Variants in ENAH observed in about 807,000 individuals in gnomAD.
ENAH encodes protein enabled homolog.
In ENAH, 23 loss-of-function variants were observed where a neutral mutation model predicts 78.7. The ratio of observed to expected loss-of-function variants is 0.29; its 90% CI spans 0.21 to 0.41. The LOEUF is 0.41. Ranked by LOEUF, ENAH falls within the 10% of genes least tolerant of loss-of-function variation. The pLI, the probability that ENAH is intolerant of heterozygous loss-of-function variation, is 1.00. For synonymous variants in ENAH, 226 were observed against 241.0 expected (o/e 0.94, Z 0.58); for missense variants, 544 against 691.0 (o/e 0.79, Z 2.39).
intron 1 of ENAH, among the ~76,000 whole-genome samples, chr1:225,599,183 T>C (rs144653957): frequency 2.5e-4 from 38 of 152,110 alleles, no homozygotes; most frequent in South Asian, 6.2e-4. Context: ...GAACAGATCT[T>C]TCACAAAACA....
chr1:225,598,167 C>G (rs1165037537), intron 1 of ENAH, among the ~76,000 whole-genome samples: 1 of 152,048 alleles, frequency 6.6e-6, no homozygotes, highest in Non-Finnish European at 1.5e-5. Context: ...AGAGTTCTTC[C>G]ACTTACAAGA....
chr1:225,650,848 TAAAAAAAA>T (rs746549168), intron 1 of ENAH, among the ~76,000 whole-genome samples: 598 of 58,946 alleles, frequency 0.01, 11 homozygotes, highest in African/African-American at 0.041. Flanking sequence ...AGACTGCATT[TAAAAAAAA>T]AAAAAAAAAA....
chr1:225,593,836 A>AT (rs1158373882), intron 1 of ENAH, among the ~76,000 whole-genome samples: 4 of 152,306 alleles, frequency 2.6e-5, no homozygotes, highest in African/African-American at 9.6e-5. Context: ...AATTATTACA[A>AT]TTTTTTAAAG....
intron 1 of ENAH, among the ~76,000 whole-genome samples, chr1:225,606,161 A>G (rs1433249620): frequency 6.6e-6 from 1 of 152,146 alleles, no homozygotes; most frequent in Non-Finnish European, 1.5e-5. Flanking sequence ...AATGTGACCT[A>G]TTAGAATTAC....
intron 1 of ENAH, among the ~76,000 whole-genome samples, chr1:225,646,378 C>A (rs1161467979): frequency 3.3e-5 from 5 of 152,192 alleles, no homozygotes; most frequent in African/African-American, 1.2e-4. Flanking sequence ...CCCCCCTCAT[C>A]TCCCCGACCC....
intron 10 of ENAH, among the ~76,000 whole-genome samples, chr1:225,511,525 A>T (rs949871026): frequency 2.0e-5 from 3 of 149,848 alleles, no homozygotes; most frequent in Non-Finnish European, 4.5e-5. Flanking sequence ...CTGTAGTACT[A>T]ACTAACATGC....
intron 2 of ENAH, among the ~76,000 whole-genome samples, chr1:225,560,115 C>T (rs1166422576): frequency 6.6e-6 from 1 of 152,130 alleles, no homozygotes; most frequent in Non-Finnish European, 1.5e-5. Flanking sequence ...CCCATTGGGA[C>T]TTCCTCAATT....
intron 1 of ENAH, among the ~76,000 whole-genome samples, chr1:225,593,807 TA>T (rs2096889653): frequency 6.6e-6 from 1 of 152,180 alleles, no homozygotes; most frequent in Non-Finnish European, 1.5e-5. Flanking sequence ...TACAAAAGGT[TA>T]AAACAAGGTA....
chr1:225,531,384 G>T (rs888358221), intron 3 of ENAH, among the ~76,000 whole-genome samples: 1 of 151,890 alleles, frequency 6.6e-6, no homozygotes, highest in Non-Finnish European at 1.5e-5. Flanking sequence ...CCTGTTTTTT[G>T]CATCTTAGAT....
rs1048565136 is a variant in ENAH at position 225,519,144 on chromosome 1, A to G, written c.802+54T>C. 1.9e-6 allele frequency: 3 copies of G among 1,586,098 alleles called. No individual in the cohort carries two copies. In the African/African-American group the frequency reaches 4.0e-5, roughly 21 times the overall value. ...ATATTTTAACACATGACTGCACAAG[A>G]GACATCATCCAAGCTCAGATACAAG... On this transcript the variant is annotated intron_variant, in intron 5 of 13. Coordinates refer to ENST00000366843, the MANE Select transcript of ENAH (RefSeq NM_018212.6).
chr1:225,586,850 CCT>C (rs1244025853), intron 1 of ENAH, among the ~76,000 whole-genome samples: 1 of 151,388 alleles, frequency 6.6e-6, no homozygotes, highest in East Asian at 1.9e-4. Context: ...ATGGTGAAAC[CCT>C]GTCTCTACTA....
chr1:225,537,998 C>T (rs1052567282), intron 3 of ENAH, among the ~76,000 whole-genome samples: 6 of 152,062 alleles, frequency 3.9e-5, no homozygotes, highest in African/African-American at 1.4e-4. Context: ...CAATTAGTCC[C>T]AAGGCAATTG....
At chr1:225,645,090 C>G (rs551229816) in intron 1 of ENAH, among the ~76,000 whole-genome samples, 7 of 152,310 alleles carry the variant, frequency 4.6e-5, no homozygotes, top group Admixed American at 4.6e-4. Flanking sequence ...AGCATTCCCA[C>G]GTGCTTGTTT....
In ENAH at chr1:225,645,253, T is replaced by C. The variant is rs567386780; in HGVS notation, c.5+7433A>G. Among the ~76,000 whole-genome samples the C allele has an allele frequency of 1.8e-3, 268 of 152,358 alleles. 1 individual carries two copies. The highest frequency in any genetic ancestry group is 6.3e-3 in the African/African-American group (260 of 41,584). On this transcript the variant is annotated intron_variant, in intron 1 of 13. Transcript: ENST00000366843. ...AGATCTTCTGGTGTTATTATATAGA[T>C]CTGTCTATTCTGGGCATTTCATATA...
At chr1:225,549,097 G>C (rs1019048510) in intron 3 of ENAH, among the ~76,000 whole-genome samples, 1 of 152,006 alleles carries the variant, frequency 6.6e-6, no homozygotes, top group Admixed American at 6.6e-5. Flanking sequence ...TGATGCACCC[G>C]CCTCGGCCTC....
chr1:225,650,848 T>TAAAAA (rs746549168), intron 1 of ENAH, among the ~76,000 whole-genome samples: 1,208 of 58,904 alleles, frequency 0.021, 50 homozygotes, highest in Non-Finnish European at 0.029. Context: ...AGACTGCATT[T>TAAAAA]AAAAAAAAAA....
intron 1 of ENAH, among the ~76,000 whole-genome samples, chr1:225,635,078 C>CA (rs995680586): frequency 3.3e-5 from 5 of 152,292 alleles, no homozygotes; most frequent in Non-Finnish European, 5.9e-5. Flanking sequence ...TTTATGAAGA[C>CA]AAAGTCTTTT....
chr1:225,604,876 G>A (rs1398165583), intron 1 of ENAH, among the ~76,000 whole-genome samples: 1 of 152,180 alleles, frequency 6.6e-6, no homozygotes, highest in Non-Finnish European at 1.5e-5. Context: ...AAGCTAGCTA[G>A]TAAAGAAATG....
intron 1 of ENAH, among the ~76,000 whole-genome samples, chr1:225,590,620 G>A (rs1360004282): frequency 6.6e-6 from 1 of 151,702 alleles, no homozygotes; most frequent in Non-Finnish European, 1.5e-5. Flanking sequence ...CCAGATGAAG[G>A]ATACCAAAAC....
Sources: gnomAD v4.1 joint callset for allele counts (sites outside exome capture counted in the v4.1 genomes callset) on GRCh38, gnomAD v4.1.1 for gene constraint, MANE v1.5 for transcripts, NCBI Gene and HGNC (gene_info 2026-07-23, HGNC 2026-07-21) for gene names.